CSGALNACT1: variants seen among roughly 807,000 people sequenced by gnomAD.
CSGALNACT1 encodes the protein beta4GalNAcT-1.
Under a neutral mutation model 51.0 loss-of-function variants are expected in CSGALNACT1, and 52 were observed. The observed-to-expected ratio is 1.02, with a 90% CI of 0.82 to 1.29. The LOEUF (loss-of-function observed/expected upper bound fraction) is 1.29. Ranked by LOEUF, CSGALNACT1 falls within the 50% of genes most tolerant of loss-of-function variation. The pLI is 0.00. For missense variants in CSGALNACT1, 935 were observed against 679.2 expected, an observed-to-expected ratio of 1.38 and a Z score of -4.19; for synonymous variants, 341 against 254.4, an observed-to-expected ratio of 1.34 and a Z score of -3.24.
At chr8:19,657,128 G>C (rs1049788697) in intron 1 of CSGALNACT1, among the ~76,000 whole-genome samples, 1 of 139,518 alleles carries the variant, frequency 7.2e-6, no homozygotes, top group Non-Finnish European at 1.6e-5. Context: ...TTAAAACAAA[G>C]AATTTTTTTA....
intron 4 of CSGALNACT1, among the ~76,000 whole-genome samples, chr8:19,462,837 C>G (rs1249082695): frequency 2.6e-5 from 4 of 151,384 alleles, no homozygotes; most frequent in Middle Eastern, 3.4e-3. Flanking sequence ...CTTTTAGGTT[C>G]AGAAGGAACA....
At chr8:19,597,667 C>T (rs2049257629) in intron 2 of CSGALNACT1, among the ~76,000 whole-genome samples, 1 of 152,114 alleles carries the variant, frequency 6.6e-6, no homozygotes, top group Admixed American at 6.5e-5. Context: ...CGATCCCTTG[C>T]CTCCAAGGCA....
chr8:19,701,871 C>T (rs1380610353), intron 1 of CSGALNACT1, among the ~76,000 whole-genome samples: 1 of 152,158 alleles, frequency 6.6e-6, no homozygotes. Context: ...TCAAGTAGAA[C>T]AAACTAATAT....
chr8:19,624,632 G>C (rs1363585430), intron 1 of CSGALNACT1, among the ~76,000 whole-genome samples: 1 of 151,808 alleles, frequency 6.6e-6, no homozygotes, highest in Admixed American at 6.6e-5. Context: ...GTGACTCAGA[G>C]GATCAGGCTA....
At chr8:19,449,368 T>A (rs1035943330) in intron 5 of CSGALNACT1, among the ~76,000 whole-genome samples, 1 of 152,166 alleles carries the variant, frequency 6.6e-6, no homozygotes, top group African/African-American at 2.4e-5. Context: ...GTAGAGGGGC[T>A]TAAGGATGGC....
In CSGALNACT1 at chr8:19,505,421, C is replaced by A. The variant is rs778195131; in HGVS notation, c.414G>T (p.Lys138Asn). 3 of 1,614,228 alleles carry A rather than the reference C, an allele frequency of 1.9e-6. No homozygotes were observed. The Admixed American group carries it at 5.0e-5, about 27-fold the overall frequency. Reference sequence around the variant, plus strand: ...GCACTGCTGCATACTCTGTGGCCAGCTTGACGCCAGCATTCACCTCTGCCT... The same window carrying A: ...GCACTGCTGCATACTCTGTGGCCAGATTGACGCCAGCATTCACCTCTGCCT... Residue 138 changes from lysine to asparagine, a missense_variant, in exon 4 of 10, where the codon AAG (lysine) becomes AAT (asparagine). Coordinates refer to ENST00000454498, the Ensembl canonical transcript of CSGALNACT1.
At chr8:19,414,628 T>C (rs1306363358) in intron 8 of CSGALNACT1, among the ~76,000 whole-genome samples, 1 of 152,016 alleles carries the variant, frequency 6.6e-6, no homozygotes, top group Non-Finnish European at 1.5e-5. Context: ...ATCATAAATG[T>C]GGTTTCTTGC....
chr8:19,748,856 T>C (rs548461398), intron 1 of CSGALNACT1, among the ~76,000 whole-genome samples: 39 of 152,014 alleles, frequency 2.6e-4, no homozygotes, highest in African/African-American at 8.4e-4. Context: ...TCCCAGCTAC[T>C]TGGGAGACTG....
chr8:19,555,690 T>C (rs945742581), intron 3 of CSGALNACT1, among the ~76,000 whole-genome samples: 8 of 152,232 alleles, frequency 5.3e-5, no homozygotes, highest in Non-Finnish European at 8.8e-5. Context: ...TCACTTAGCA[T>C]GTTACGGGTG....
At chr8:19,426,617 G>C (rs932712559) in intron 6 of CSGALNACT1, among the ~76,000 whole-genome samples, 6 of 152,006 alleles carry the variant, frequency 3.9e-5, no homozygotes, top group African/African-American at 1.4e-4. Flanking sequence ...TTCTTTTCTT[G>C]AATTGTATTA....
chr8:19,488,497 G>A lies in CSGALNACT1; in HGVS notation c.634+16704C>T, dbSNP rs902072235. On this transcript the variant is annotated intron_variant, in intron 4 of 9. Coordinates refer to ENST00000454498, the Ensembl canonical transcript of CSGALNACT1. The stretch of plus-strand genomic sequence containing the variant: ...TTTATAATTTTGTTTATATTAAGCA[G>A]TGTTTTGGAAATGATTCCATAAAGG... 4.6e-5 allele frequency among the ~76,000 whole-genome samples: 7 copies of A among 150,656 alleles called. No homozygotes were observed. In the East Asian group the frequency reaches 1.4e-3, roughly 30 times the overall value.
chr8:19,743,912 C>T (rs2154250901), intron 1 of CSGALNACT1, among the ~76,000 whole-genome samples: 1 of 152,018 alleles, frequency 6.6e-6, no homozygotes, highest in African/African-American at 2.4e-5. Flanking sequence ...GCACTGAATC[C>T]TTCATCAAAT....
chr8:19,662,887 G>A (rs763938148), intron 1 of CSGALNACT1, among the ~76,000 whole-genome samples: 4 of 152,056 alleles, frequency 2.6e-5, no homozygotes, highest in Non-Finnish European at 5.9e-5. Context: ...CAGCTACTCT[G>A]AGCCTTCAAC....
At chr8:19,510,186 T>C (rs1445975949) in intron 3 of CSGALNACT1, among the ~76,000 whole-genome samples, 1 of 152,220 alleles carries the variant, frequency 6.6e-6, no homozygotes, top group African/African-American at 2.4e-5. Flanking sequence ...GGAACTGTGA[T>C]GCATCACATC....
chr8:19,555,980 C>T (rs28566514), intron 3 of CSGALNACT1, among the ~76,000 whole-genome samples: 14,125 of 152,088 alleles, frequency 0.093, 687 homozygotes, highest in East Asian at 0.14. Context: ...CCATCAGGAA[C>T]CGGCATTCTG....
intron 3 of CSGALNACT1, among the ~76,000 whole-genome samples, chr8:19,521,485 A>C (rs766947576): frequency 1.9e-4 from 29 of 152,240 alleles, no homozygotes; most frequent in Middle Eastern, 3.4e-3. Context: ...GAGTTTGAGA[A>C]CAGCCTGGCC....
At chr8:19,444,428 G>A (rs1315398311) in intron 5 of CSGALNACT1, among the ~76,000 whole-genome samples, 1 of 152,066 alleles carries the variant, frequency 6.6e-6, no homozygotes, top group African/African-American at 2.4e-5. Flanking sequence ...GGATACAGTG[G>A]GCCAACTGCA....
chr8:19,458,384 C>T (rs756260304), intron 5 of CSGALNACT1, 42 bp downstream of exon 4: 7 of 1,459,842 alleles, frequency 4.8e-6, no homozygotes, highest in Non-Finnish European at 6.7e-6. Context: ...TGTTCTAACA[C>T]ACATCATGCG....
chr8:19,578,188 A>C (rs2044718692), intron 3 of CSGALNACT1, among the ~76,000 whole-genome samples: 1 of 152,206 alleles, frequency 6.6e-6, no homozygotes, highest in Admixed American at 6.5e-5. Context: ...CTATCCCCCT[A>C]GCTAGTCACT....
Sources: gnomAD v4.1 joint callset for allele counts (sites outside exome capture counted in the v4.1 genomes callset) on GRCh38, gnomAD v4.1.1 for gene constraint, MANE v1.5 for transcripts, NCBI Gene and HGNC (gene_info 2026-07-23, HGNC 2026-07-21) for gene names.